PCDHA10: variants seen among roughly 807,000 people sequenced by gnomAD.
PCDHA10 encodes protocadherin alpha-10.
A neutral mutation model predicts 61.2 loss-of-function variants in PCDHA10; 45 were observed. The ratio of observed to expected loss-of-function variants is 0.74; its 90% confidence interval spans 0.58 to 0.94. The LOEUF (loss-of-function observed/expected upper bound fraction) is 0.94, where lower values mean the gene tolerates loss of function less well. Ranked by LOEUF, PCDHA10 falls within the 40% of genes least tolerant of loss-of-function variation. The pLI, the probability that PCDHA10 is intolerant of heterozygous loss-of-function variation, is 0.00. For missense variants in PCDHA10, 1,278 were observed against 1,236.2 expected, an observed-to-expected ratio of 1.03 and a Z score of -0.51; for synonymous variants, 602 against 548.8, an observed-to-expected ratio of 1.10 and a Z score of -1.35.
chr5:140,966,190 C>G (rs1251814900), intron 1 of PCDHA10: 1 of 203,228 alleles, frequency 4.9e-6, no homozygotes, highest in Non-Finnish European at 9.7e-6. Context: ...AGCCAGACTT[C>G]TAGGGGCTTG....
rs1554262937 is a variant in PCDHA10 at position 141,010,412 on chromosome 5, G to A, written c.*475G>A. 2.5e-6 allele frequency: 3 copies of A among 1,201,296 alleles called. No homozygotes were observed. Among genetic ancestry groups the A allele is most frequent in the Non-Finnish European group, 3.4e-6 (3 of 885,080 alleles). 74.4% of individuals were successfully genotyped at this position (1,201,296 alleles called of 1,614,324 possible). On this transcript the variant is annotated 3_prime_UTR_variant, in exon 4 of 4. Coordinates refer to ENST00000307360, the MANE Select transcript of PCDHA10 (RefSeq NM_018901.4). ...GAGACGAGCCAGCTTAGACTAATTG[G>A]TACAAGGAAGGCAAGAAAACAAAGA...
intron 1 of PCDHA10, among the ~76,000 whole-genome samples, chr5:140,939,081 G>A (rs547616686): frequency 1.3e-5 from 2 of 152,222 alleles, no homozygotes; most frequent in African/African-American, 2.4e-5. Context: ...GCATAAACTG[G>A]GTGGCTTAAA....
Position 140,857,037 on chromosome 5 carries a change from T to C in PCDHA10, c.989T>C (p.Val330Ala). 1 of 1,596,258 alleles carries C rather than the reference T, an allele frequency of 6.3e-7. No homozygotes were observed. The highest frequency in any genetic ancestry group is 8.6e-7 in the Non-Finnish European group (1 of 1,165,958). ...DVTDKGNPPM[V>A]GHCTVLVELL... Reference sequence around the variant, plus strand: ...ACAGATAAGGGAAACCCACCTATGGTTGGTCACTGCACGGTCCTAGTGGAA... The same window carrying C: ...ACAGATAAGGGAAACCCACCTATGGCTGGTCACTGCACGGTCCTAGTGGAA... Residue 330 changes from valine to alanine, a missense_variant, in exon 1 of 4, where the codon GTT (valine) becomes GCT (alanine). Coordinates refer to ENST00000307360, the MANE Select transcript of PCDHA10 (RefSeq NM_018901.4).
chr5:140,906,593 T>C (rs2072768257), intron 1 of PCDHA10, among the ~76,000 whole-genome samples: 1 of 152,242 alleles, frequency 6.6e-6, no homozygotes, highest in Admixed American at 6.5e-5. Flanking sequence ...TACCTTCCTC[T>C]ACTACTCATT....
chr5:140,858,176 G>A lies in PCDHA10; in HGVS notation c.2128G>A (p.Val710Met). The A allele has an allele frequency of 6.3e-7, 1 of 1,597,746 alleles. No individual in the cohort carries two copies. The highest frequency in any genetic ancestry group is 8.6e-7 in the Non-Finnish European group (1 of 1,167,436). Residue 710 changes from valine (V) to methionine (M), a missense_variant, in exon 1 of 4, where the codon GTG becomes ATG. Val to Met is a conservative substitution (Grantham distance 21). Transcript: ENST00000307360. ...CATCTGCGCGGTGTCCAGCTTGCTG[G>A]TGCTCACGCTGCTGCTGTACACTGC... ...IAICAVSSLLVLTLLLYTALR... is the reference protein window; with the variant it reads ...IAICAVSSLLMLTLLLYTALR...
At chr5:140,882,361 C>T (rs2059095511) in intron 1 of PCDHA10, 1 of 1,614,204 alleles carries the variant, frequency 6.2e-7, no homozygotes, top group Non-Finnish European at 8.5e-7. Context: ...GTGGCCAGCT[C>T]CACTACTCCG....
In PCDHA10 at chr5:141,011,583, A is replaced by G. The variant is rs2098421115; in HGVS notation, c.*1646A>G. On this transcript the variant is annotated 3_prime_UTR_variant, in exon 4 of 4. Transcript: ENST00000307360. ...AGTAAAATTTCTTTCTTAAATCAAG[A>G]TACTGGTGATTCAAGGAATTTTATT... is the stretch of plus-strand genomic sequence containing the variant. 1 of 153,656 alleles carries G rather than the reference A, an allele frequency of 6.5e-6. No individual in the cohort carries two copies. Among genetic ancestry groups the G allele is most frequent in the Admixed American group, 6.6e-5 (1 of 15,258 alleles). The allele number at this position is 153,656 out of a possible 1,614,324, so 9.5% of individuals were successfully genotyped here.
At chr5:140,860,269 T>C (rs1278960733) in intron 1 of PCDHA10, 1 of 151,996 alleles carries the variant, frequency 6.6e-6, no homozygotes, top group South Asian at 2.1e-4. Flanking sequence ...ACTGTAGTGC[T>C]ACTTGGGAGG....
chr5:140,930,702 A>T (rs1359159980), intron 1 of PCDHA10, among the ~76,000 whole-genome samples: 1 of 152,234 alleles, frequency 6.6e-6, no homozygotes, highest in African/African-American at 2.4e-5. Context: ...CTTGTAAGTT[A>T]TTCTTCCTCA....
intron 1 of PCDHA10, chr5:140,966,994 C>T: frequency 6.2e-7 from 1 of 1,604,620 alleles, no homozygotes; most frequent in Non-Finnish European, 8.5e-7. Context: ...GGCCGGGTTG[C>T]TTGCGCATCA....
At chr5:141,001,985 GAAGTTC>G in intron 3 of PCDHA10, among the ~76,000 whole-genome samples, 1 of 152,312 alleles carries the variant, frequency 6.6e-6, no homozygotes, top group Admixed American at 6.5e-5. Context: ...GGAAAGCCTG[GAAGTTC>G]ACTTGCAAAC....
At chr5:140,870,073 A>G in intron 1 of PCDHA10, 1 of 1,613,872 alleles carries the variant, frequency 6.2e-7, no homozygotes. Flanking sequence ...GGCTACAGAT[A>G]AGGGGACTCC....
At chr5:140,917,329 G>GGGGGGGGGGGGT (rs1563018868) in intron 1 of PCDHA10, among the ~76,000 whole-genome samples, 1 of 143,928 alleles carries the variant, frequency 6.9e-6, no homozygotes, top group Non-Finnish European at 1.5e-5. Context: ...TGTGGCGGGG[G>GGGGGGGGGGGGT]AGGGGGGGGA....
At chr5:141,000,080 G>C (rs1554257118) in intron 3 of PCDHA10, among the ~76,000 whole-genome samples, 1 of 152,068 alleles carries the variant, frequency 6.6e-6, no homozygotes, top group Non-Finnish European at 1.5e-5. Flanking sequence ...ACAATGCTAG[G>C]CCTGTGAATG....
chr5:140,916,161 GC>G (rs2077457967), intron 1 of PCDHA10, among the ~76,000 whole-genome samples: 1 of 152,084 alleles, frequency 6.6e-6, no homozygotes, highest in African/African-American at 2.4e-5. Flanking sequence ...GGTGAATGCT[GC>G]CAGGCCTGGG....
At chr5:140,966,542 G>C (rs926112867) in intron 1 of PCDHA10, 4 of 464,302 alleles carry the variant, frequency 8.6e-6, no homozygotes, top group Non-Finnish European at 1.5e-5. Flanking sequence ...GAGCGACTCG[G>C]AGGCGAGCGG....
At chr5:140,922,548 G>T (rs2080883425) in intron 1 of PCDHA10, among the ~76,000 whole-genome samples, 2 of 152,172 alleles carry the variant, frequency 1.3e-5, no homozygotes, top group Non-Finnish European at 2.9e-5. Flanking sequence ...GCAAGGTAAG[G>T]AGAAAAGTCA....
At position 141,009,773 on chromosome 5, in the gene PCDHA10, A is replaced by C. The variant is rs782087059; in HGVS notation, c.2683A>C (p.Ile895Leu). ...KFIIPGSPAI[I>L]SIRQEPTNSQ... is the part of the protein sequence containing the mutation. ...CATTATCCCAGGATCTCCTGCAATC[A>C]TCTCCATCCGGCAGGAGCCTACTAA... Residue 895 changes from isoleucine to leucine, a missense_variant, in exon 4 of 4, where the codon ATC becomes CTC. Physicochemically the swap from Ile to Leu is conservative, Grantham distance 5. Transcript: ENST00000307360. 1 of 1,614,128 alleles carries C rather than the reference A, an allele frequency of 6.2e-7. No individual in the cohort carries two copies. Among genetic ancestry groups the C allele is most frequent in the East Asian group, 2.2e-5 (1 of 44,878 alleles).
intron 1 of PCDHA10, chr5:140,868,100 ATTTAT>A (rs2153230738): frequency 1.3e-5 from 2 of 152,260 alleles, no homozygotes; most frequent in South Asian, 2.1e-4. Context: ...TGATAATAAA[ATTTAT>A]TTTATAGTTG....
Sources: allele counts gnomAD v4.1 joint callset (sites outside exome capture counted in the v4.1 genomes callset), GRCh38; gene constraint gnomAD v4.1.1; transcripts MANE v1.5; gene names NCBI Gene and HGNC (gene_info 2026-07-23, HGNC 2026-07-21).